Variants in PLCB1 observed in about 807,000 individuals in gnomAD.
PLCB1 encodes 1-phosphatidylinositol 4,5-bisphosphate phosphodiesterase beta-1.
Under a neutral mutation model 161.8 loss-of-function variants are expected in PLCB1, and 46 were observed. The observed-to-expected ratio is 0.28, with a 90% CI of 0.22 to 0.36. The LOEUF (loss-of-function observed/expected upper bound fraction) is 0.36, where lower values mean the gene tolerates loss of function less well. Among genes scored for constraint, PLCB1 ranks in the 10% least tolerant of loss-of-function variants. The pLI is 1.00. For missense variants in PLCB1, 1,016 were observed against 1,472.5 expected (o/e 0.69, Z 5.07); for synonymous variants, 517 against 503.7 (o/e 1.03, Z -0.35).
chr20:8,386,040 C>T (rs1987416577), intron 3 of PLCB1, among the ~76,000 whole-genome samples: 2 of 152,200 alleles, frequency 1.3e-5, no homozygotes, highest in South Asian at 2.1e-4. Flanking sequence ...TAATTATTGT[C>T]CTCTAGCAAT....
intron 9 of PLCB1, among the ~76,000 whole-genome samples, chr20:8,661,631 C>T (rs1953131155): frequency 6.6e-6 from 1 of 151,968 alleles, no homozygotes; most frequent in Non-Finnish European, 1.5e-5. Context: ...AAAACGGACT[C>T]ATGATAGCTG....
intron 25 of PLCB1, among the ~76,000 whole-genome samples, chr20:8,761,976 AG>A (rs376412796): frequency 2.4e-4 from 35 of 146,500 alleles, no homozygotes; most frequent in Non-Finnish European, 4.2e-4. Flanking sequence ...GGGGAGGCCA[AG>A]GGGGGGGCGG....
At chr20:8,604,176 C>T (rs1033124102) in intron 3 of PLCB1, among the ~76,000 whole-genome samples, 5 of 147,360 alleles carry the variant, frequency 3.4e-5, no homozygotes, top group African/African-American at 1.3e-4. Context: ...TCCCCTGAAC[C>T]CGGGAAGTGG....
intron 3 of PLCB1, among the ~76,000 whole-genome samples, chr20:8,553,184 T>G (rs1985830488): frequency 6.6e-6 from 1 of 152,170 alleles, no homozygotes; most frequent in Non-Finnish European, 1.5e-5. Context: ...TAGTTTCTCA[T>G]GACACAATAA....
intron 3 of PLCB1, among the ~76,000 whole-genome samples, chr20:8,601,133 A>G (rs529588323): frequency 1.3e-5 from 2 of 151,572 alleles, no homozygotes; most frequent in South Asian, 2.1e-4. Flanking sequence ...CCCCCTGTCT[A>G]TACAAAATAT....
At chr20:8,350,959 A>G (rs768700759) in intron 2 of PLCB1, among the ~76,000 whole-genome samples, 17 of 152,320 alleles carry the variant, frequency 1.1e-4, no homozygotes, top group Non-Finnish European at 2.2e-4. Flanking sequence ...ATGTAATCCC[A>G]GTCACAATCC....
intron 2 of PLCB1, among the ~76,000 whole-genome samples, chr20:8,216,450 G>A (rs1348434362): frequency 6.6e-6 from 1 of 152,132 alleles, no homozygotes; most frequent in Non-Finnish European, 1.5e-5. Context: ...CAAAGCTAAA[G>A]TAGAATGTGT....
intron 2 of PLCB1, among the ~76,000 whole-genome samples, chr20:8,220,942 G>T (rs1239659455): frequency 6.6e-6 from 1 of 152,124 alleles, no homozygotes; most frequent in Non-Finnish European, 1.5e-5. Flanking sequence ...TTAGCCTAAG[G>T]TTTAAAAGTA....
chr20:8,449,841 G>A (rs1980994513), intron 3 of PLCB1, among the ~76,000 whole-genome samples: 1 of 152,168 alleles, frequency 6.6e-6, no homozygotes. Context: ...GTCAAAGTAA[G>A]ATTTTTTAAA....
intron 31 of PLCB1, among the ~76,000 whole-genome samples, chr20:8,825,367 T>C (rs1362353101): frequency 6.6e-6 from 1 of 152,208 alleles, no homozygotes; most frequent in Non-Finnish European, 1.5e-5. Flanking sequence ...GAGCAAGTGA[T>C]ATTTGAACTA....
chr20:8,710,306 C>T (rs535929069), intron 12 of PLCB1, among the ~76,000 whole-genome samples: 4 of 152,148 alleles, frequency 2.6e-5, no homozygotes, highest in African/African-American at 7.2e-5. Flanking sequence ...AACTCACTAT[C>T]GCAACAACAG....
chr20:8,400,089 TG>T (rs1203538857), intron 3 of PLCB1, among the ~76,000 whole-genome samples: 1 of 152,204 alleles, frequency 6.6e-6, no homozygotes, highest in East Asian at 1.9e-4. Context: ...TCTTGCATAA[TG>T]TCAGAAGTTT....
At chr20:8,727,860 C>G (rs1330540065) in intron 17 of PLCB1, among the ~76,000 whole-genome samples, 1 of 151,972 alleles carries the variant, frequency 6.6e-6, no homozygotes, top group Non-Finnish European at 1.5e-5. Context: ...ATGATGATGA[C>G]ATTGTAAATA....
At chr20:8,406,630 C>T (rs901670987) in intron 3 of PLCB1, among the ~76,000 whole-genome samples, 1 of 152,116 alleles carries the variant, frequency 6.6e-6, no homozygotes, top group South Asian at 2.1e-4. Context: ...GTCATTCCAT[C>T]TACATAAGAG....
intron 18 of PLCB1, among the ~76,000 whole-genome samples, chr20:8,732,603 C>T: frequency 7.1e-6 from 1 of 141,702 alleles, no homozygotes; most frequent in African/African-American, 2.6e-5. Context: ...GATAGTGTAT[C>T]ATATTAGAAA....
intron 13 of PLCB1, 149 bp from the exon 14 acceptor site, chr20:8,717,522 A>G (rs1233352514): frequency 3.8e-6 from 2 of 528,696 alleles, no homozygotes. Flanking sequence ...ATTAGCTCCC[A>G]TGTAAGATAC....
intron 23 of PLCB1, among the ~76,000 whole-genome samples, chr20:8,742,341 A>C (rs549932464): frequency 6.6e-6 from 1 of 152,270 alleles, no homozygotes; most frequent in South Asian, 2.1e-4. Context: ...AACTGTCAGT[A>C]TTGGGGGAAA....
At chr20:8,734,585 T>C (rs1980484041) in intron 19 of PLCB1, among the ~76,000 whole-genome samples, 2 of 152,118 alleles carry the variant, frequency 1.3e-5, no homozygotes, top group African/African-American at 2.4e-5. Context: ...TACACATACA[T>C]ATGTATATCT....
chr20:8,318,060 A>G (rs949368387), intron 2 of PLCB1, among the ~76,000 whole-genome samples: 13 of 151,586 alleles, frequency 8.6e-5, no homozygotes, highest in African/African-American at 2.9e-4. Flanking sequence ...ACCAACACTG[A>G]ACTTGGAATT....
Sources: gnomAD v4.1 joint callset for allele counts (sites outside exome capture counted in the v4.1 genomes callset) on GRCh38, gnomAD v4.1.1 for gene constraint, MANE v1.5 for transcripts, NCBI Gene and HGNC (gene_info 2026-07-23, HGNC 2026-07-21) for gene names.